The following GRIA2 variants were observed in gnomAD, a reference collection of about 807,000 sequenced individuals.
GRIA2 encodes the protein glutamate ionotropic receptor AMPA type subunit 2.
In GRIA2, 14 loss-of-function variants were observed where a neutral mutation model predicts 97.3. The observed-to-expected ratio is 0.14, with a 90% CI of 0.10 to 0.23. GRIA2 has a LOEUF of 0.23. Among genes scored for constraint, GRIA2 ranks in the 10% least tolerant of loss-of-function variants. The probability of loss-of-function intolerance (pLI) is 1.00; values close to 1 mark genes in which losing one functional copy is unlikely to be tolerated. For synonymous variants in GRIA2, 412 were observed against 387.8 expected (o/e 1.06, Z -0.73); for missense variants, 558 against 1,069.8 (o/e 0.52, Z 6.67).
intron 12 of GRIA2, chr4:157,342,354 A>G (rs1467568460): frequency 5.1e-6 from 5 of 985,030 alleles, no homozygotes; most frequent in Non-Finnish European, 6.0e-6. Flanking sequence ...GAATAACTTC[A>G]CTTCAGCTGA....
upstream of GRIA2, chr4:157,220,656 G>GTGTGTGTGTGTA (rs1193896027): frequency 1.6e-4 from 1 of 6,274 alleles, no homozygotes; most frequent in Non-Finnish European, 5.0e-4. Context: ...GTGTGTATGT[G>GTGTGTGTGTGTA]TGTGTGTGTG....
chr4:157,292,987 A>T (rs1035861265), intron 2 of GRIA2, among the ~76,000 whole-genome samples: 6 of 152,164 alleles, frequency 3.9e-5, no homozygotes, highest in Non-Finnish European at 8.8e-5. Context: ...CAAAAACGTA[A>T]GTTGCCATTA....
intron 2 of GRIA2, among the ~76,000 whole-genome samples, chr4:157,275,310 C>T (rs1231776430): frequency 6.6e-6 from 1 of 152,162 alleles, no homozygotes; most frequent in African/African-American, 2.4e-5. Flanking sequence ...TTCTCCCATT[C>T]TGTAGGCTGC....
intron 3 of GRIA2, among the ~76,000 whole-genome samples, chr4:157,306,715 T>A (rs574310773): frequency 6.6e-6 from 1 of 152,340 alleles, no homozygotes; most frequent in South Asian, 2.1e-4. Flanking sequence ...ATGGAATTTT[T>A]GCTATTTGTT....
rs938797456 is a variant in GRIA2 at position 157,365,273 on chromosome 4, A to G, written c.*1842A>G. 1 of 151,952 alleles carries G rather than the reference A, an allele frequency of 6.6e-6. No individual in the cohort carries two copies. The highest frequency in any genetic ancestry group is 1.5e-5 in the Non-Finnish European group (1 of 67,650). 9.4% of individuals were successfully genotyped at this position (151,952 alleles called of 1,614,324 possible). On this transcript the variant is annotated 3_prime_UTR_variant, in exon 16 of 16. Coordinates refer to ENST00000264426, the MANE Select transcript of GRIA2 (RefSeq NM_001083619.3). ...CACAGATCCTAAGGTAATATAATAT[A>G]ATTTTAGTGCATTTCTCCTCATCAG...
At position 157,296,710 on chromosome 4, in the gene GRIA2, G is replaced by A. The variant is rs917466677; in HGVS notation, c.230-6842G>A. ...CTTCCGATTCGGGCAACTGGGGAGT[G>A]TGCTGATGGAGTTCATAATTAGGGA... On this transcript the variant is annotated intron_variant, in intron 2 of 15. Coordinates refer to ENST00000264426, the MANE Select transcript of GRIA2 (RefSeq NM_001083619.3). Among the ~76,000 whole-genome samples the A allele has an allele frequency of 4.6e-5, 7 of 152,118 alleles. No homozygotes were observed. In the South Asian group the frequency reaches 6.2e-4, roughly 13 times the overall value.
intron 12 of GRIA2, among the ~76,000 whole-genome samples, chr4:157,344,357 A>G (rs1735678128): frequency 6.6e-6 from 1 of 151,980 alleles, no homozygotes; most frequent in Admixed American, 6.6e-5. Flanking sequence ...CTTTGGTCCT[A>G]AGGAATTTTG....
chr4:157,317,783 C>A, intron 5 of GRIA2, 72 bp downstream of exon 5: 2 of 659,832 alleles, frequency 3.0e-6, no homozygotes, highest in East Asian at 3.1e-5. Flanking sequence ...TTTGAATGGC[C>A]AGCATTTATC....
At chr4:157,349,435 T>G (rs1448306647) in intron 12 of GRIA2, among the ~76,000 whole-genome samples, 1 of 151,698 alleles carries the variant, frequency 6.6e-6, no homozygotes, top group East Asian at 1.9e-4. Flanking sequence ...CTTCTTTCCT[T>G]CCTTCCTCCC....
At chr4:157,247,610 G>C (rs533605815) in intron 2 of GRIA2, among the ~76,000 whole-genome samples, 1 of 152,284 alleles carries the variant, frequency 6.6e-6, no homozygotes, top group South Asian at 2.1e-4. Flanking sequence ...AGGTCACCTG[G>C]AGCAGTGGGC....
At chr4:157,224,960 C>G (rs770657095) in intron 2 of GRIA2, among the ~76,000 whole-genome samples, 4 of 151,976 alleles carry the variant, frequency 2.6e-5, no homozygotes, top group Admixed American at 1.3e-4. Flanking sequence ...CATAAAAATC[C>G]CACAGAGCTA....
chr4:157,352,005 A>C (rs1287740452), intron 12 of GRIA2, among the ~76,000 whole-genome samples: 1 of 152,210 alleles, frequency 6.6e-6, no homozygotes, highest in Non-Finnish European at 1.5e-5. Flanking sequence ...CACATTTGAG[A>C]GTCATTTCAA....
At chr4:157,229,228 G>A (rs761704564) in intron 2 of GRIA2, among the ~76,000 whole-genome samples, 9 of 151,630 alleles carry the variant, frequency 5.9e-5, no homozygotes. Flanking sequence ...TTCTTTTTAG[G>A]GCCTGCAGTT....
At chr4:157,338,046 A>G (rs1437398743) in intron 11 of GRIA2, among the ~76,000 whole-genome samples, 2 of 6,546 alleles carry the variant, frequency 3.1e-4, no homozygotes, top group Non-Finnish European at 2.5e-3. Flanking sequence ...ATATATATAT[A>G]TATACACACA....
intron 2 of GRIA2, among the ~76,000 whole-genome samples, chr4:157,293,784 C>T (rs372272963): frequency 3.4e-4 from 52 of 152,010 alleles, no homozygotes; most frequent in African/African-American, 1.0e-3. Context: ...TGGAATAGGG[C>T]GACAGTCAGG....
intron 11 of GRIA2, among the ~76,000 whole-genome samples, chr4:157,339,104 A>G (rs1232056111): frequency 6.6e-6 from 1 of 152,022 alleles, no homozygotes; most frequent in African/African-American, 2.4e-5. Flanking sequence ...AGAATATCTT[A>G]TCTATAAGAC....
intron 2 of GRIA2, among the ~76,000 whole-genome samples, chr4:157,270,727 G>A (rs1461402399): frequency 2.6e-5 from 4 of 151,954 alleles, no homozygotes; most frequent in Non-Finnish European, 1.5e-5. Flanking sequence ...AAAGTATTAC[G>A]GCAGTGCTGG....
intron 2 of GRIA2, among the ~76,000 whole-genome samples, chr4:157,249,202 A>G (rs780879534): frequency 3.3e-5 from 5 of 152,098 alleles, no homozygotes; most frequent in Non-Finnish European, 5.9e-5. Context: ...GCCACCAGGG[A>G]GTTTGAAATC....
chr4:157,320,146 T>C lies in GRIA2; in HGVS notation c.721-1292T>C, dbSNP rs1231327720. Among the ~76,000 whole-genome samples, 5 of 152,066 alleles carry C rather than the reference T, an allele frequency of 3.3e-5. No homozygotes were observed. In the East Asian group the frequency reaches 9.6e-4, roughly 29 times the overall value. On this transcript the variant is annotated intron_variant, in intron 5 of 15. Coordinates refer to ENST00000264426, the MANE Select transcript of GRIA2 (RefSeq NM_001083619.3). ...GATAAGCATATAGAAATCTCTAGCA[T>C]TGAAAAAATGGGACATGATTATAAA...
Sources: allele counts gnomAD v4.1 joint callset (sites outside exome capture counted in the v4.1 genomes callset), GRCh38; gene constraint gnomAD v4.1.1; transcripts MANE v1.5; gene names NCBI Gene and HGNC (gene_info 2026-07-23, HGNC 2026-07-21).